SPATS2: variants seen among roughly 807,000 people sequenced by gnomAD.
SPATS2 encodes spermatogenesis associated serine rich 2.
A neutral mutation model predicts 63.7 loss-of-function variants in SPATS2; 38 were observed. That is an observed-to-expected ratio of 0.60 (90% CI 0.46 to 0.78). The LOEUF (loss-of-function observed/expected upper bound fraction) is 0.78. SPATS2 is among the 30% of genes least tolerant of loss of function. The pLI is 0.00. For synonymous variants in SPATS2, 207 were observed against 232.9 expected (o/e 0.89, Z 1.01); for missense variants, 588 against 666.2 (o/e 0.88, Z 1.29).
intron 2 of SPATS2, among the ~76,000 whole-genome samples, chr12:49,456,319 A>G (rs765706783): frequency 1.3e-5 from 2 of 152,204 alleles, no homozygotes; most frequent in Non-Finnish European, 2.9e-5. Flanking sequence ...TTCCATGTAG[A>G]TAACTGTGGG....
intron 2 of SPATS2, among the ~76,000 whole-genome samples, chr12:49,377,522 G>A (rs1174793065): frequency 1.3e-5 from 2 of 152,130 alleles, no homozygotes; most frequent in Admixed American, 1.3e-4. Context: ...CAGTAAAGCT[G>A]AGAACACATC....
intron 2 of SPATS2, among the ~76,000 whole-genome samples, chr12:49,451,984 C>T (rs919331637): frequency 6.6e-6 from 1 of 152,142 alleles, no homozygotes; most frequent in Non-Finnish European, 1.5e-5. Flanking sequence ...AATGTTGCTT[C>T]CCTGTACATG....
rs144792810 is a variant in SPATS2 at position 49,402,381 on chromosome 12, G to T, written c.-244+31091G>T. ...TGGGATCAATGGCTTATAAATCCTG[G>T]TGGGGTCAAAGGATTTTTAGAGTTA... On this transcript the variant is annotated intron_variant, in intron 2 of 13. Transcript: ENST00000552918. Among the ~76,000 whole-genome samples, 455 of 152,250 alleles carry T rather than the reference G, an allele frequency of 3.0e-3. 2 individuals are homozygous for T. The highest frequency in any genetic ancestry group is 0.011 in the African/African-American group (442 of 41,538).
intron 8 of SPATS2, among the ~76,000 whole-genome samples, chr12:49,497,796 A>AT (rs1946489651): frequency 6.6e-6 from 1 of 151,860 alleles, no homozygotes; most frequent in Non-Finnish European, 1.5e-5. Context: ...AAGTAAGGTC[A>AT]TTTTCTCTTA....
chr12:49,390,276 G>A, intron 2 of SPATS2: 1 of 589,236 alleles, frequency 1.7e-6, no homozygotes, highest in Non-Finnish European at 2.9e-6. Context: ...AATATGTACA[G>A]TGTACTGGCT....
chr12:49,451,441 CTA>C (rs1433322515), intron 2 of SPATS2, among the ~76,000 whole-genome samples: 1 of 152,024 alleles, frequency 6.6e-6, no homozygotes, highest in Non-Finnish European at 1.5e-5. Context: ...TTTATTATAT[CTA>C]TATTTGCTAT....
intron 2 of SPATS2, among the ~76,000 whole-genome samples, chr12:49,378,637 C>G (rs1294362876): frequency 6.6e-6 from 1 of 151,452 alleles, no homozygotes; most frequent in Non-Finnish European, 1.5e-5. Context: ...GCCCTGTCGC[C>G]TAGGCTACAG....
chr12:49,375,695 CA>C (rs1944087839), intron 2 of SPATS2, among the ~76,000 whole-genome samples: 1 of 152,148 alleles, frequency 6.6e-6, no homozygotes, highest in South Asian at 2.1e-4. Context: ...AGCTTTGTGA[CA>C]TGTGATGAAA....
At chr12:49,425,465 G>A (rs1311875784) in intron 2 of SPATS2, among the ~76,000 whole-genome samples, 6 of 151,984 alleles carry the variant, frequency 3.9e-5, no homozygotes, top group Non-Finnish European at 8.8e-5. Flanking sequence ...GACTACAGGC[G>A]TGTGCCATCG....
intron 3 of SPATS2, among the ~76,000 whole-genome samples, chr12:49,484,047 A>G (rs1946249494): frequency 6.6e-6 from 1 of 152,210 alleles, no homozygotes; most frequent in Non-Finnish European, 1.5e-5. Flanking sequence ...TTTGTAATCA[A>G]TCATATTGAA....
intron 2 of SPATS2, among the ~76,000 whole-genome samples, chr12:49,415,132 A>G (rs1227367794): frequency 6.6e-6 from 1 of 151,594 alleles, no homozygotes; most frequent in East Asian, 1.9e-4. Flanking sequence ...GGGTTTCACC[A>G]TATTGGGCAG....
chr12:49,459,495 T>C (rs1945780214), intron 2 of SPATS2, among the ~76,000 whole-genome samples: 1 of 151,920 alleles, frequency 6.6e-6, no homozygotes, highest in East Asian at 2.0e-4. Flanking sequence ...ATTACAGGCA[T>C]GCACCACTAT....
intron 2 of SPATS2, chr12:49,442,525 GT>G: frequency 6.4e-6 from 1 of 155,738 alleles, no homozygotes. Flanking sequence ...ACTTTGTCCT[GT>G]TTTCCCTTTG....
At chr12:49,524,106 A>T (rs929548461) in intron 12 of SPATS2, among the ~76,000 whole-genome samples, 1 of 152,210 alleles carries the variant, frequency 6.6e-6, no homozygotes, top group Admixed American at 6.5e-5. Flanking sequence ...TTTCAGTTAG[A>T]TAGGTACTTT....
chr12:49,471,391 T>C lies in SPATS2; in HGVS notation c.25+10354T>C, dbSNP rs376637917. Among the ~76,000 whole-genome samples the C allele has an allele frequency of 6.6e-5, 10 of 152,356 alleles. No homozygotes were observed. In the East Asian group the frequency reaches 1.3e-3, roughly 21 times the overall value. ...CCTTGCTCCATCAACCAGGCTGAAA[T>C]GCAGTGGCACAGTCAGCTCACTGCA... On this transcript the variant is annotated intron_variant, in intron 3 of 13. Transcript: ENST00000552918.
intron 3 of SPATS2, chr12:49,461,318 G>A: frequency 2.9e-6 from 1 of 341,708 alleles, no homozygotes; most frequent in Non-Finnish European, 5.3e-6. Flanking sequence ...AAGAGGGCTA[G>A]CTTGCTGCAG....
In SPATS2 at chr12:49,516,158, AAAAAAAAAATATAT is replaced by A. The variant is rs1352851053; in HGVS notation, c.898+1547_898+1560del. Reference sequence around the variant, plus strand: ...CATCTCAAAAAAAAAAAAAAAAAAAAAAAAAAAAATATATATATATATATATATATATATATATA... The same window carrying A: ...CATCTCAAAAAAAAAAAAAAAAAAAAATATATATATATATATATATATATA... On this transcript the variant is annotated intron_variant, in intron 10 of 13. Coordinates refer to ENST00000552918, the MANE Select transcript of SPATS2 (RefSeq NM_023071.4). Among the ~76,000 whole-genome samples, 127 of 36,780 alleles carry A rather than the reference AAAAAAAAAATATAT, an allele frequency of 3.5e-3. 12 individuals carry two copies. The highest frequency in any genetic ancestry group is 0.014 in the African/African-American group (96 of 7,022). The allele number at this position is 36,780 out of a possible 152,430, so 24.1% of individuals were successfully genotyped here.
intron 2 of SPATS2, among the ~76,000 whole-genome samples, chr12:49,434,962 TTAATA>T (rs1448395535): frequency 3.9e-5 from 6 of 151,968 alleles, no homozygotes; most frequent in Non-Finnish European, 4.4e-5. Context: ...TGGTATTTAA[TTAATA>T]TAATATAGTA....
In SPATS2 at chr12:49,467,408, A is replaced by G. The variant is rs146540438; in HGVS notation, c.25+6371A>G. Among the ~76,000 whole-genome samples, 1,391 of 152,218 alleles carry G rather than the reference A, an allele frequency of 9.1e-3. 8 individuals are homozygous for G. Among genetic ancestry groups the G allele is most frequent in the Non-Finnish European group, 0.016 (1,073 of 68,000 alleles). ...ATTTTCCTGACTGATCTCTGAGTCT[A>G]GCACTGGTTAGAAGAAAGCAGACTT... On this transcript the variant is annotated intron_variant, in intron 3 of 13. Transcript: ENST00000552918.
Sources: gnomAD v4.1 joint callset for allele counts (sites outside exome capture counted in the v4.1 genomes callset) on GRCh38, gnomAD v4.1.1 for gene constraint, MANE v1.5 for transcripts, NCBI Gene and HGNC (gene_info 2026-07-23, HGNC 2026-07-21) for gene names.